ALK: variants seen among roughly 807,000 people sequenced by gnomAD.
ALK encodes the protein ALK tyrosine kinase receptor.
ALK carries 74 observed loss-of-function variants against 163.1 expected under a neutral mutation model. That is an observed-to-expected ratio of 0.45 (90% CI 0.38 to 0.55). The LOEUF (loss-of-function observed/expected upper bound fraction) is 0.55. Ranked by LOEUF, ALK falls within the 20% of genes least tolerant of loss-of-function variation. The pLI, the probability that ALK is intolerant of heterozygous loss-of-function variation, is 0.00. For synonymous variants in ALK, 960 were observed against 843.2 expected (o/e 1.14, Z -2.40); for missense variants, 2,063 against 2,105.3 (o/e 0.98, Z 0.39).
At chr2:29,283,644 C>T (rs1665771005) in intron 9 of ALK, among the ~76,000 whole-genome samples, 1 of 152,004 alleles carries the variant, frequency 6.6e-6, no homozygotes, top group Non-Finnish European at 1.5e-5. Context: ...AAGACTGGGT[C>T]TATATAGTTG....
chr2:29,308,643 C>T (rs75364610), intron 8 of ALK, among the ~76,000 whole-genome samples: 13,459 of 152,270 alleles, frequency 0.088, 610 homozygotes, highest in Non-Finnish European at 0.1. Context: ...CTATTTTTTA[C>T]GTATCACGTA....
At chr2:29,279,904 A>G (rs1178860790) in intron 9 of ALK, among the ~76,000 whole-genome samples, 2 of 152,216 alleles carry the variant, frequency 1.3e-5, no homozygotes, top group African/African-American at 2.4e-5. Flanking sequence ...TACCAGGTGG[A>G]CCACCATGGG....
chr2:29,325,511 GA>G (rs1401500516), intron 6 of ALK, among the ~76,000 whole-genome samples: 2 of 152,208 alleles, frequency 1.3e-5, no homozygotes. Context: ...GGCCCCCAGA[GA>G]AAGGCGGTAG....
intron 3 of ALK, among the ~76,000 whole-genome samples, chr2:29,616,143 G>A (rs1675838803): frequency 6.6e-6 from 1 of 152,196 alleles, no homozygotes; most frequent in South Asian, 2.1e-4. Flanking sequence ...GACAGAGTAT[G>A]GCCACAGCTC....
chr2:29,563,232 T>C (rs890307057), intron 3 of ALK, among the ~76,000 whole-genome samples: 4 of 152,190 alleles, frequency 2.6e-5, no homozygotes, highest in Non-Finnish European at 4.4e-5. Context: ...TAGGGTGTCT[T>C]TACATATGGT....
intron 5 of ALK, among the ~76,000 whole-genome samples, chr2:29,370,230 G>C (rs1668607729): frequency 6.6e-6 from 1 of 152,220 alleles, no homozygotes; most frequent in African/African-American, 2.4e-5. Flanking sequence ...CAGAGGCTTT[G>C]AGCTATTCAC....
rs1358670933 is a variant in ALK at position 29,218,613 on chromosome 2, C to G, written c.3645+2093G>C. Among the ~76,000 whole-genome samples the G allele has an allele frequency of 2.0e-5, 3 of 152,318 alleles. No homozygotes were observed. In the East Asian group the frequency reaches 5.8e-4, roughly 29 times the overall value. On this transcript the variant is annotated intron_variant, in intron 23 of 28. Coordinates refer to ENST00000389048, the MANE Select transcript of ALK (RefSeq NM_004304.5). ...AGATAGAGACACACCACTCCTCACT[C>G]CTGCCATCTCCTGCCCCCGAAGTCC...
chr2:29,237,295 G>C (rs1664411034), intron 13 of ALK, among the ~76,000 whole-genome samples: 1 of 152,168 alleles, frequency 6.6e-6, no homozygotes, highest in African/African-American at 2.4e-5. Context: ...TTCTATGGTA[G>C]ATTCTTCACA....
intron 1 of ALK, among the ~76,000 whole-genome samples, chr2:29,869,538 C>A (rs1377271541): frequency 6.6e-6 from 1 of 152,106 alleles, no homozygotes; most frequent in Non-Finnish European, 1.5e-5. Flanking sequence ...AAAATCAACA[C>A]TGGAACAATT....
At chr2:29,414,257 G>T (rs1486881192) in intron 4 of ALK, among the ~76,000 whole-genome samples, 6 of 152,202 alleles carry the variant, frequency 3.9e-5, no homozygotes, top group African/African-American at 2.4e-5. Flanking sequence ...ACATTTTAAT[G>T]AAAGGAGTTA....
rs1245152107 is a variant in ALK, at chr2:29,246,199, G to C, written c.2204+4906C>G. On this transcript the variant is annotated intron_variant, in intron 12 of 28. Transcript: ENST00000389048. This position sits in a 1 kb window ranked among gnomAD's most constrained non-coding sequence, Gnocchi z 4.3. ...AAGGATGCTGGTCCTAGACAGGTAGGAAGGCAGGCAGGCTGGAGGGGGAGA... is the reference window on the plus strand; with the variant it reads ...AAGGATGCTGGTCCTAGACAGGTAGCAAGGCAGGCAGGCTGGAGGGGGAGA... Among the ~76,000 whole-genome samples, 1 of 151,812 alleles carries C rather than the reference G, an allele frequency of 6.6e-6. No individual in the cohort carries two copies. The highest frequency in any genetic ancestry group is 2.4e-5 in the African/African-American group (1 of 41,260).
chr2:29,783,020 T>C (rs937279417), intron 1 of ALK, among the ~76,000 whole-genome samples: 1 of 152,208 alleles, frequency 6.6e-6, no homozygotes, highest in Non-Finnish European at 1.5e-5. Flanking sequence ...GGTAGCAGTG[T>C]TGTGTTCTGT....
At chr2:29,193,976 C>T in intron 28 of ALK, 54 bp from the exon 29 acceptor site, 2 of 1,524,918 alleles carry the variant, frequency 1.3e-6, no homozygotes, top group Non-Finnish European at 9.1e-7. Flanking sequence ...AATGTTGGAT[C>T]TAGAAGATAC....
chr2:29,642,702 T>A (rs1355899506), intron 3 of ALK, among the ~76,000 whole-genome samples: 1 of 152,096 alleles, frequency 6.6e-6, no homozygotes, highest in Non-Finnish European at 1.5e-5. Flanking sequence ...CCTATTCAGC[T>A]CTTCTTTAAA....
chr2:29,831,253 GGAAGAGGAA>G (rs1159945242), intron 1 of ALK, among the ~76,000 whole-genome samples: 182 of 13,278 alleles, frequency 0.014, 8 homozygotes, highest in African/African-American at 0.031. Flanking sequence ...AAGAGGAAGA[GGAAGAGGAA>G]GAAGAAGAAG....
intron 12 of ALK, among the ~76,000 whole-genome samples, chr2:29,247,137 G>A (rs1356762667): frequency 2.6e-5 from 4 of 151,850 alleles, no homozygotes; most frequent in Non-Finnish European, 4.4e-5. Flanking sequence ...CCGCGGCAGC[G>A]CCTTTTACCC....
intron 1 of ALK, among the ~76,000 whole-genome samples, chr2:29,847,905 A>G (rs919638875): frequency 2.0e-5 from 3 of 152,074 alleles, no homozygotes; most frequent in African/African-American, 7.2e-5. Flanking sequence ...GGGAGGTGTA[A>G]GAAGGAGAAG....
chr2:29,762,150 G>C (rs1415469939), intron 1 of ALK, among the ~76,000 whole-genome samples: 1 of 152,158 alleles, frequency 6.6e-6, no homozygotes. Flanking sequence ...TATTCTCTAT[G>C]ACCAAACAAT....
intron 2 of ALK, among the ~76,000 whole-genome samples, chr2:29,701,008 C>T (rs1209899798): frequency 6.6e-6 from 1 of 152,210 alleles, no homozygotes; most frequent in Admixed American, 6.5e-5. Context: ...GAGATGGAGG[C>T]CTTCCAACCG....
Sources: allele counts gnomAD v4.1 joint callset (sites outside exome capture counted in the v4.1 genomes callset), GRCh38; gene constraint gnomAD v4.1.1; non-coding constraint Gnocchi (gnomAD v3.1); transcripts MANE v1.5; gene names NCBI Gene and HGNC (gene_info 2026-07-23, HGNC 2026-07-21).